Variants in KRTAP3-3 observed in about 807,000 individuals in gnomAD.
KRTAP3-3 encodes keratin associated protein 3-3, also known as keratin-associated protein 3-3.
In KRTAP3-3, 8 loss-of-function variants were observed where a neutral mutation model predicts 5.7. The observed-to-expected ratio is 1.40, with a 90% CI of 0.82 to 2.52. The LOEUF (loss-of-function observed/expected upper bound fraction) is 2.52. Among genes scored for constraint, KRTAP3-3 ranks in the 30% most tolerant of loss-of-function variants. KRTAP3-3 has a pLI of 0.00. For missense variants in KRTAP3-3, 98 were observed against 121.5 expected, an observed-to-expected ratio of 0.81 and a Z score of 0.91; for synonymous variants, 49 against 47.0, an observed-to-expected ratio of 1.04 and a Z score of -0.17.
At position 40,993,759 on chromosome 17, in the gene KRTAP3-3, T is replaced by C; in HGVS notation, c.*42A>G. The stretch of plus-strand genomic sequence containing the variant: ...ATAGGTGAATGCTAAAGCTTCTATG[T>C]TGACTTTTTCAATCTCAGGCACTGA... On this transcript the variant is annotated 3_prime_UTR_variant, in exon 1 of 1. Transcript: ENST00000391586. 6.2e-6 allele frequency: 10 copies of C among 1,602,292 alleles called. No individual in the cohort carries two copies. The highest frequency in any genetic ancestry group is 7.7e-6 in the Non-Finnish European group (9 of 1,172,544).
In KRTAP3-3 at chr17:40,994,081, G is replaced by T; in HGVS notation, c.17C>A (p.Ser6Tyr). 1.2e-6 allele frequency: 2 copies of T among 1,614,166 alleles called. No individual in the cohort carries two copies. Residue 6 changes from serine (S) to tyrosine (Y), a missense_variant, in exon 1 of 1, where the codon TCT becomes TAT. By Grantham distance (144) the Ser-to-Tyr change is moderately radical. Transcript: ENST00000391586. Reference protein sequence around the residue: MDCCASRGCSVPTGPA... With the variant: MDCCAYRGCSVPTGPA... ...CCCGGTGGGGACACTGCAGCCTCGAGAGGCACAGCAATCCATGGCTATTAG... is the reference window on the plus strand; with the variant it reads ...CCCGGTGGGGACACTGCAGCCTCGATAGGCACAGCAATCCATGGCTATTAG...
rs774700817 is a variant in KRTAP3-3 at position 40,994,090 on chromosome 17, C to A, written c.8G>T (p.Cys3Phe). Reference protein sequence around the residue: MDCCASRGCSVPT... With the variant: MDFCASRGCSVPT... ...GACACTGCAGCCTCGAGAGGCACAGCAATCCATGGCTATTAGAGTCTGTGG... is the reference window on the plus strand; with the variant it reads ...GACACTGCAGCCTCGAGAGGCACAGAAATCCATGGCTATTAGAGTCTGTGG... Residue 3 changes from cysteine (C) to phenylalanine (F), a missense_variant, in exon 1 of 1, where the codon TGC becomes TTC. Cys to Phe is a radical substitution (Grantham distance 205, BLOSUM62 -2). Transcript: ENST00000391586. 32 of 1,613,996 alleles carry A rather than the reference C, an allele frequency of 2.0e-5. No individual in the cohort carries two copies. Among genetic ancestry groups the A allele is most frequent in the East Asian group, 2.2e-5 (1 of 44,886 alleles).
At position 40,994,161 on chromosome 17, in the gene KRTAP3-3, GA is replaced by G; in HGVS notation, c.-65del. On this transcript the variant is annotated 5_prime_UTR_variant, in exon 1 of 1. Coordinates refer to ENST00000391586, the MANE Select transcript of KRTAP3-3 (RefSeq NM_033185.3). ...AAGAAGGATAAGGCTTCTGAGGTGT[GA>G]ATATCTCTCCTTTCTCTGGGGCTCT... 6.4e-7 allele frequency: 1 copy of G among 1,568,984 alleles called. No individual in the cohort carries two copies. Among genetic ancestry groups the G allele is most frequent in the Admixed American group, 1.7e-5 (1 of 58,642 alleles).
chr17:40,994,130 A>G lies in KRTAP3-3; in HGVS notation c.-33T>C, dbSNP rs757166316. 5 of 1,610,000 alleles carry G rather than the reference A, an allele frequency of 3.1e-6. No individual in the cohort carries two copies. The highest frequency in any genetic ancestry group is 2.2e-5 in the South Asian group (2 of 90,832). On this transcript the variant is annotated 5_prime_UTR_variant, in exon 1 of 1. Transcript: ENST00000391586. ...AGAGTCTGTGGTATTTATGGGTTTGATTGAAAAGAAGGATAAGGCTTCTGA... is the reference window on the plus strand; with the variant it reads ...AGAGTCTGTGGTATTTATGGGTTTGGTTGAAAAGAAGGATAAGGCTTCTGA...
chr17:40,993,758 G>C lies in KRTAP3-3; in HGVS notation c.*43C>G, dbSNP rs1161907809. On this transcript the variant is annotated 3_prime_UTR_variant, in exon 1 of 1. Coordinates refer to ENST00000391586, the MANE Select transcript of KRTAP3-3 (RefSeq NM_033185.3). Reference sequence around the variant, plus strand: ...GATAGGTGAATGCTAAAGCTTCTATGTTGACTTTTTCAATCTCAGGCACTG... The same window carrying C: ...GATAGGTGAATGCTAAAGCTTCTATCTTGACTTTTTCAATCTCAGGCACTG... 2 of 1,601,640 alleles carry C rather than the reference G, an allele frequency of 1.2e-6. No individual in the cohort carries two copies. Among genetic ancestry groups the C allele is most frequent in the African/African-American group, 1.3e-5 (1 of 74,654 alleles).
In KRTAP3-3 at chr17:40,994,131, T is replaced by C; in HGVS notation, c.-34A>G. The stretch of plus-strand genomic sequence containing the variant: ...GAGTCTGTGGTATTTATGGGTTTGA[T>C]TGAAAAGAAGGATAAGGCTTCTGAG... On this transcript the variant is annotated 5_prime_UTR_variant, in exon 1 of 1. Coordinates refer to ENST00000391586, the MANE Select transcript of KRTAP3-3 (RefSeq NM_033185.3). The C allele has an allele frequency of 6.2e-7, 1 of 1,610,238 alleles. No individual in the cohort carries two copies. The highest frequency in any genetic ancestry group is 8.5e-7 in the Non-Finnish European group (1 of 1,177,078).
rs112638362 is a variant in KRTAP3-3 at position 40,993,644 on chromosome 17, T to C, written c.*157A>G. The C allele has an allele frequency of 2.1e-3, 2,513 of 1,179,054 alleles. 44 individuals carry two copies. In the African/African-American group the frequency reaches 0.034, roughly 16 times the overall value. The allele number at this position is 1,179,054 out of a possible 1,614,324, so 73.0% of individuals were successfully genotyped here. A position where few individuals can be genotyped will look rare whatever the true frequency, so the allele number is the denominator to read the frequency against. On this transcript the variant is annotated 3_prime_UTR_variant, in exon 1 of 1. Transcript: ENST00000391586. ...TAGCTGAATGGTCATTGAAAGTTTCTTGGTCTCTTTTTTTTTGCAGGGGGT... is the reference window on the plus strand; with the variant it reads ...TAGCTGAATGGTCATTGAAAGTTTCCTGGTCTCTTTTTTTTTGCAGGGGGT...
Position 40,993,887 on chromosome 17 carries a change from A to G in KRTAP3-3, c.211T>C (p.Cys71Arg). The G allele has an allele frequency of 4.3e-6, 7 of 1,614,076 alleles. No homozygotes were observed. Among genetic ancestry groups the G allele is most frequent in the Non-Finnish European group, 5.9e-6 (7 of 1,179,936 alleles). Residue 71 changes from cysteine (C) to arginine (R), a missense_variant, in exon 1 of 1, where the codon TGC becomes CGC. Physicochemically the swap from Cys to Arg is radical, Grantham distance 180. Transcript: ENST00000391586. ...CVPTCFLLNS[C>R]QPTPGLETLN... ...GTCTCCAGGCCTGGAGTTGGCTGGC[A>G]GGAGTTGAGCAGGAAGCAGGTGGGC...
Position 40,994,053 on chromosome 17 carries a change from A to G in KRTAP3-3, c.45T>C (p.Pro15=). ...ASRGCSVPTG[P]ATTICSSDKS... ...TGTCAGAGGAGCAGATGGTGGTGGC[A>G]GGCCCGGTGGGGACACTGCAGCCTC... Residue 15 remains proline, a synonymous_variant, in exon 1 of 1, where the codon CCT becomes CCC. Coordinates refer to ENST00000391586, the MANE Select transcript of KRTAP3-3 (RefSeq NM_033185.3). 1 of 1,614,202 alleles carries G rather than the reference A, an allele frequency of 6.2e-7. No individual in the cohort carries two copies. Among genetic ancestry groups the G allele is most frequent in the Non-Finnish European group, 8.5e-7 (1 of 1,180,022 alleles).
In KRTAP3-3 at chr17:40,994,056, C is replaced by G; in HGVS notation, c.42G>C (p.Gly14=). The G allele has an allele frequency of 6.2e-7, 1 of 1,614,166 alleles. No individual in the cohort carries two copies. The highest frequency in any genetic ancestry group is 8.5e-7 in the Non-Finnish European group (1 of 1,180,020). Residue 14 remains glycine (G), a synonymous_variant, in exon 1 of 1, where the codon GGG becomes GGC. Transcript: ENST00000391586. The stretch of plus-strand genomic sequence containing the variant: ...CAGAGGAGCAGATGGTGGTGGCAGG[C>G]CCGGTGGGGACACTGCAGCCTCGAG... The part of the protein sequence containing the change: ...CASRGCSVPT[G]PATTICSSDK...
chr17:40,993,596 C>T lies in KRTAP3-3; in HGVS notation c.*205G>A. The T allele has an allele frequency of 1.4e-6, 1 of 702,910 alleles. No individual in the cohort carries two copies. The highest frequency in any genetic ancestry group is 2.3e-6 in the Non-Finnish European group (1 of 441,408). 43.5% of individuals were successfully genotyped at this position (702,910 alleles called of 1,614,324 possible). A position where few individuals can be genotyped will look rare whatever the true frequency, so the allele number is the denominator to read the frequency against. On this transcript the variant is annotated 3_prime_UTR_variant, in exon 1 of 1. Transcript: ENST00000391586. ...AGCTTCAGGAAGCTATAGGCATCCACTGATTCAAACTGCAGTTGGTTATAG... is the reference window on the plus strand; with the variant it reads ...AGCTTCAGGAAGCTATAGGCATCCATTGATTCAAACTGCAGTTGGTTATAG...
Position 40,993,467 on chromosome 17 carries a change from T to A in KRTAP3-3, c.*334A>T. 1 of 323,688 alleles carries A rather than the reference T, an allele frequency of 3.1e-6. No individual in the cohort carries two copies. The highest frequency in any genetic ancestry group is 5.4e-5 in the East Asian group (1 of 18,550). The allele number at this position is 323,688 out of a possible 1,614,324, so 20.1% of individuals were successfully genotyped here. ...AGAGATGTAAAATTTATTAGGATAATCATGAAGAACTTCCTTAATTTTCAG... is the reference window on the plus strand; with the variant it reads ...AGAGATGTAAAATTTATTAGGATAAACATGAAGAACTTCCTTAATTTTCAG... On this transcript the variant is annotated 3_prime_UTR_variant, in exon 1 of 1. Coordinates refer to ENST00000391586, the MANE Select transcript of KRTAP3-3 (RefSeq NM_033185.3).
rs577817414 is a variant in KRTAP3-3 at position 40,993,873 on chromosome 17, T to G, written c.225A>C (p.Pro75=). Residue 75 remains proline, a synonymous_variant, in exon 1 of 1, where the codon CCA becomes CCC. Transcript: ENST00000391586. ...TGGTGAGGTTGAGGGTCTCCAGGCC[T>G]GGAGTTGGCTGGCAGGAGTTGAGCA... is the stretch of plus-strand genomic sequence containing the variant. The part of the protein sequence containing the change: ...CFLLNSCQPT[P]GLETLNLTTF... 3 of 1,613,922 alleles carry G rather than the reference T, an allele frequency of 1.9e-6. No individual in the cohort carries two copies. In the East Asian group the frequency reaches 6.7e-5, roughly 36 times the overall value.
In KRTAP3-3 at chr17:40,993,761, G is replaced by T; in HGVS notation, c.*40C>A. On this transcript the variant is annotated 3_prime_UTR_variant, in exon 1 of 1. Transcript: ENST00000391586. ...AGGTGAATGCTAAAGCTTCTATGTTGACTTTTTCAATCTCAGGCACTGAGC... is the reference window on the plus strand; with the variant it reads ...AGGTGAATGCTAAAGCTTCTATGTTTACTTTTTCAATCTCAGGCACTGAGC... 1 of 1,602,984 alleles carries T rather than the reference G, an allele frequency of 6.2e-7. No homozygotes were observed. The highest frequency in any genetic ancestry group is 1.1e-5 in the South Asian group (1 of 89,784).
chr17:40,993,993 G>C lies in KRTAP3-3; in HGVS notation c.105C>G (p.Thr35=), dbSNP rs1912772234. ...CCAGTAACCAAACTGTGTGTGGGCA[G>C]GTGCTGGGCAGGCAGACTCCACAGC... The part of the protein sequence containing the change: ...SCRCGVCLPS[T]CPHTVWLLEP... Residue 35 remains threonine, a synonymous_variant, in exon 1 of 1, where the codon ACC becomes ACG. Coordinates refer to ENST00000391586, the MANE Select transcript of KRTAP3-3 (RefSeq NM_033185.3). The C allele has an allele frequency of 1.2e-6, 2 of 1,614,222 alleles. No homozygotes were observed. The highest frequency in any genetic ancestry group is 4.5e-5 in the East Asian group (2 of 44,876).
chr17:40,994,142 G>A lies in KRTAP3-3; in HGVS notation c.-45C>T, dbSNP rs779164075. The A allele has an allele frequency of 6.2e-6, 10 of 1,600,394 alleles. No homozygotes were observed. In the South Asian group the frequency reaches 1.0e-4, roughly 16 times the overall value. On this transcript the variant is annotated 5_prime_UTR_variant, in exon 1 of 1. Transcript: ENST00000391586. Reference sequence around the variant, plus strand: ...ATTTATGGGTTTGATTGAAAAGAAGGATAAGGCTTCTGAGGTGTGAATATC... The same window carrying A: ...ATTTATGGGTTTGATTGAAAAGAAGAATAAGGCTTCTGAGGTGTGAATATC...
At position 40,994,040 on chromosome 17, in the gene KRTAP3-3, A is replaced by G. The variant is rs753585859; in HGVS notation, c.58T>C (p.Cys20Arg). The change falls in exon 1 of 1, where the codon TGC becomes CGC. Residue 20 changes from cysteine (C) to arginine (R), a missense_variant. Physicochemically the swap from Cys to Arg is radical, Grantham distance 180. Transcript: ENST00000391586. Reference sequence around the variant, plus strand: ...CAGCGGCAGGATTTGTCAGAGGAGCAGATGGTGGTGGCAGGCCCGGTGGGG... The same window carrying G: ...CAGCGGCAGGATTTGTCAGAGGAGCGGATGGTGGTGGCAGGCCCGGTGGGG... ...SVPTGPATTI[C>R]SSDKSCRCGV... 2.5e-6 allele frequency: 4 copies of G among 1,614,232 alleles called. No homozygotes were observed. In the South Asian group the frequency reaches 4.4e-5, roughly 18 times the overall value.
In KRTAP3-3 at chr17:40,993,691, G is replaced by T. The variant is rs548269762; in HGVS notation, c.*110C>A. 8.9e-6 allele frequency: 13 copies of T among 1,466,374 alleles called. No individual in the cohort carries two copies. In the South Asian group the frequency reaches 1.7e-4, roughly 19 times the overall value. The allele number at this position is 1,466,374 out of a possible 1,614,324, so 90.8% of individuals were successfully genotyped here. ...GGGTGATTGTGGTAGTACCATCCTTGTTCCAATTTCTAAAGCAGAGTACAT... is the reference window on the plus strand; with the variant it reads ...GGGTGATTGTGGTAGTACCATCCTTTTTCCAATTTCTAAAGCAGAGTACAT... On this transcript the variant is annotated 3_prime_UTR_variant, in exon 1 of 1. Transcript: ENST00000391586.
Position 40,993,505 on chromosome 17 carries a change from C to A in KRTAP3-3, c.*296G>T. ...CCTTAATTTTCAGAAAGATACCACC[C>A]AAGACTGAAAACAGAATTCCCAAAC... is the stretch of plus-strand genomic sequence containing the variant. On this transcript the variant is annotated 3_prime_UTR_variant, in exon 1 of 1. Transcript: ENST00000391586. The A allele has an allele frequency of 2.3e-6, 1 of 435,030 alleles. No individual in the cohort carries two copies. The highest frequency in any genetic ancestry group is 3.6e-5 in the East Asian group (1 of 27,530). The allele number at this position is 435,030 out of a possible 1,614,324, so 26.9% of individuals were successfully genotyped here.
Sources: gnomAD v4.1 joint callset for allele counts on GRCh38, gnomAD v4.1.1 for gene constraint, MANE v1.5 for transcripts, NCBI Gene and HGNC (gene_info 2026-07-23, HGNC 2026-07-21) for gene names.